The following PDE4B variants were observed in gnomAD, a reference collection of about 807,000 sequenced individuals.
The protein encoded by PDE4B is 3',5'-cyclic-AMP phosphodiesterase 4B.
In PDE4B, 20 loss-of-function variants were observed where a neutral mutation model predicts 82.2. The observed-to-expected ratio is 0.24, with a 90% confidence interval of 0.17 to 0.35. PDE4B has a LOEUF of 0.35. PDE4B is among the 10% of genes least tolerant of loss of function. The pLI is 1.00. For synonymous variants in PDE4B, 320 were observed against 318.9 expected (o/e 1.00, Z -0.04); for missense variants, 655 against 907.2 (o/e 0.72, Z 3.57).
At chr1:65,807,159 G>A (rs912051082) in intron 1 of PDE4B, among the ~76,000 whole-genome samples, 14 of 152,176 alleles carry the variant, frequency 9.2e-5, no homozygotes, top group Non-Finnish European at 4.4e-5. Flanking sequence ...ATCATAAAGA[G>A]AACCACATTT....
chr1:65,933,610 T>C (rs1647961425), intron 3 of PDE4B, among the ~76,000 whole-genome samples: 1 of 151,880 alleles, frequency 6.6e-6, no homozygotes, highest in South Asian at 2.1e-4. Context: ...AGAGATTGCA[T>C]TGAGCCGAGA....
chr1:65,964,110 C>T (rs1241694864), intron 3 of PDE4B, among the ~76,000 whole-genome samples: 1 of 152,040 alleles, frequency 6.6e-6, no homozygotes, highest in Non-Finnish European at 1.5e-5. Flanking sequence ...AACACTTACA[C>T]TGAGAAAAAA....
intron 3 of PDE4B, among the ~76,000 whole-genome samples, chr1:66,244,788 A>G (rs1408888425): frequency 6.6e-6 from 1 of 152,224 alleles, no homozygotes; most frequent in African/African-American, 2.4e-5. Context: ...CCTGAGTTTA[A>G]GTAGGGTAAG....
chr1:66,198,260 T>G (rs1335202525), intron 3 of PDE4B, among the ~76,000 whole-genome samples: 2 of 152,162 alleles, frequency 1.3e-5, no homozygotes, highest in Admixed American at 1.3e-4. Context: ...TTCTGAGTGA[T>G]TGCAAAATAG....
intron 3 of PDE4B, among the ~76,000 whole-genome samples, chr1:65,948,793 G>A (rs973097660): frequency 6.6e-6 from 1 of 152,032 alleles, no homozygotes; most frequent in South Asian, 2.1e-4. Context: ...CGGATTGATC[G>A]ATGGTGTTGC....
At chr1:66,251,364 A>G (rs765796740) in intron 4 of PDE4B, among the ~76,000 whole-genome samples, 19 of 152,226 alleles carry the variant, frequency 1.2e-4, no homozygotes, top group Non-Finnish European at 2.2e-4. Flanking sequence ...GAGGTAAACT[A>G]TATGGATATC....
intron 3 of PDE4B, among the ~76,000 whole-genome samples, chr1:66,058,790 A>G (rs1426931614): frequency 2.6e-5 from 4 of 151,978 alleles, no homozygotes; most frequent in African/African-American, 7.2e-5. Flanking sequence ...TTCCCCCTAG[A>G]CCTCCAGTAA....
chr1:65,889,258 C>T (rs899311723), intron 1 of PDE4B, among the ~76,000 whole-genome samples: 4 of 152,090 alleles, frequency 2.6e-5, no homozygotes, highest in African/African-American at 9.7e-5. Context: ...TATATTGAAT[C>T]ATCTTTGCAT....
At position 65,883,665 on chromosome 1, in the gene PDE4B, T is replaced by C. The variant is rs549188123; in HGVS notation, c.-70-29580T>C. ...CCCTTTATTTCTTTCTCCTGCCTAATTGCCCTGGCCAGAACTTCCAACACT... is the reference window on the plus strand; with the variant it reads ...CCCTTTATTTCTTTCTCCTGCCTAACTGCCCTGGCCAGAACTTCCAACACT... On this transcript the variant is annotated intron_variant, in intron 1 of 16. Coordinates refer to ENST00000341517, the MANE Select transcript of PDE4B (RefSeq NM_002600.4). Among the ~76,000 whole-genome samples, 547 of 152,280 alleles carry C rather than the reference T, an allele frequency of 3.6e-3. 2 individuals are homozygous for C. Among genetic ancestry groups the C allele is most frequent in the African/African-American group, 0.012 (514 of 41,572 alleles).
chr1:65,836,028 G>A (rs994624948), intron 1 of PDE4B, among the ~76,000 whole-genome samples: 1 of 151,806 alleles, frequency 6.6e-6, no homozygotes, highest in African/African-American at 2.4e-5. Flanking sequence ...TGCAACCTCC[G>A]CCTCCCGGGT....
At chr1:66,223,196 A>G (rs1244317948) in intron 3 of PDE4B, among the ~76,000 whole-genome samples, 1 of 152,190 alleles carries the variant, frequency 6.6e-6, no homozygotes, top group African/African-American at 2.4e-5. Context: ...AGTTTCAGGT[A>G]GTGATGCATG....
At chr1:66,104,057 T>G (rs1202515622) in intron 3 of PDE4B, among the ~76,000 whole-genome samples, 2 of 151,478 alleles carry the variant, frequency 1.3e-5, no homozygotes, top group African/African-American at 2.4e-5. Flanking sequence ...CATTTAGCAT[T>G]AGGTATATCT....
intron 3 of PDE4B, among the ~76,000 whole-genome samples, chr1:65,930,214 A>G (rs1647754392): frequency 6.6e-6 from 1 of 152,148 alleles, no homozygotes; most frequent in Non-Finnish European, 1.5e-5. Flanking sequence ...ATTTGCTGGC[A>G]GTTCATTAGA....
At chr1:66,161,266 C>A (rs1034304982) in intron 3 of PDE4B, among the ~76,000 whole-genome samples, 5 of 149,852 alleles carry the variant, frequency 3.3e-5, no homozygotes, top group South Asian at 2.1e-4. Context: ...CAGGTACAGG[C>A]GTCAAACCTG....
At chr1:66,120,778 C>T (rs1315828227) in intron 3 of PDE4B, among the ~76,000 whole-genome samples, 4 of 152,172 alleles carry the variant, frequency 2.6e-5, no homozygotes, top group African/African-American at 9.6e-5. Flanking sequence ...AGCTCCAATT[C>T]TGGCTTCTCT....
In PDE4B at chr1:66,197,038, A is replaced by G. The variant is rs1246020510; in HGVS notation, c.282-50422A>G. On this transcript the variant is annotated intron_variant, in intron 3 of 16. Coordinates refer to ENST00000341517, the MANE Select transcript of PDE4B (RefSeq NM_002600.4). ...CAAAATTGGAATGCAAACCATACCAATTTGAAAACAGGCAAATAATTTATT... is the reference window on the plus strand; with the variant it reads ...CAAAATTGGAATGCAAACCATACCAGTTTGAAAACAGGCAAATAATTTATT... 3.9e-5 allele frequency among the ~76,000 whole-genome samples: 6 copies of G among 152,284 alleles called. No individual in the cohort carries two copies. The East Asian group carries it at 1.2e-3, about 29-fold the overall frequency.
At chr1:65,950,014 C>T (rs1648913058) in intron 3 of PDE4B, among the ~76,000 whole-genome samples, 1 of 152,032 alleles carries the variant, frequency 6.6e-6, no homozygotes, top group Non-Finnish European at 1.5e-5. Context: ...TTCTCTTGTT[C>T]TTCAACCGTG....
intron 3 of PDE4B, among the ~76,000 whole-genome samples, chr1:65,926,392 C>T (rs1647503340): frequency 6.6e-6 from 1 of 152,114 alleles, no homozygotes; most frequent in Non-Finnish European, 1.5e-5. Context: ...TCATCCCACA[C>T]TTGTTTTGGC....
intron 1 of PDE4B, among the ~76,000 whole-genome samples, chr1:65,827,006 A>G (rs1646026176): frequency 6.6e-6 from 1 of 152,204 alleles, no homozygotes; most frequent in Admixed American, 6.5e-5. Flanking sequence ...AGGCTTCTGA[A>G]AAATTACTGC....
Sources: allele counts gnomAD v4.1 joint callset (sites outside exome capture counted in the v4.1 genomes callset), GRCh38; gene constraint gnomAD v4.1.1; transcripts MANE v1.5; gene names NCBI Gene and HGNC (gene_info 2026-07-23, HGNC 2026-07-21).